The following KSR1 variants were observed in gnomAD, a reference collection of about 807,000 sequenced individuals.
The protein encoded by KSR1 is kinase suppressor of ras.
In KSR1, 35 loss-of-function variants were observed where a neutral mutation model predicts 92.9. The ratio of observed to expected loss-of-function variants is 0.38; its 90% CI spans 0.29 to 0.50. The LOEUF is 0.50. Ranked by LOEUF, KSR1 falls within the 20% of genes least tolerant of loss-of-function variation. The probability of loss-of-function intolerance (pLI) is 0.94; values close to 1 mark genes in which losing one functional copy is unlikely to be tolerated. For synonymous variants in KSR1, 467 were observed against 472.6 expected, an observed-to-expected ratio of 0.99 and a Z score of 0.15; for missense variants, 972 against 1,158.5, an observed-to-expected ratio of 0.84 and a Z score of 2.34.
At position 27,459,764 on chromosome 17, in the gene KSR1, G is replaced by A. The variant is rs778072853; in HGVS notation, c.231+2890G>A. Among the ~76,000 whole-genome samples, 2 of 152,246 alleles carry A rather than the reference G, an allele frequency of 1.3e-5. No homozygotes were observed. Among genetic ancestry groups the A allele is most frequent in the Admixed American group, 6.5e-5 (1 of 15,282 alleles). On this transcript the variant is annotated intron_variant, in intron 1 of 20. Coordinates refer to ENST00000644974, the MANE Select transcript of KSR1 (RefSeq NM_001394583.1). The surrounding 1 kb of genome is among the most constrained non-coding windows in gnomAD (Gnocchi z 4.6). ...GGGAGAAGCAGCACGTGAAATGTCCGTGGAGGTCCCTGACCAGGGATGGGC... is the reference window on the plus strand; with the variant it reads ...GGGAGAAGCAGCACGTGAAATGTCCATGGAGGTCCCTGACCAGGGATGGGC...
At chr17:27,504,704 C>T (rs945355241) in intron 1 of KSR1, among the ~76,000 whole-genome samples, 1 of 152,210 alleles carries the variant, frequency 6.6e-6, no homozygotes, top group Non-Finnish European at 1.5e-5. Flanking sequence ...CTGCCGCCAT[C>T]TGCCTGAGCA....
intron 1 of KSR1, among the ~76,000 whole-genome samples, chr17:27,472,937 G>A (rs984921849): frequency 6.6e-6 from 1 of 152,142 alleles, no homozygotes; most frequent in Non-Finnish European, 1.5e-5. Context: ...TTTGAGACAG[G>A]GTCTCGCAGT....
chr17:27,609,817 C>T (rs1185883443), intron 16 of KSR1: 4 of 418,614 alleles, frequency 9.6e-6, no homozygotes, highest in Non-Finnish European at 1.7e-5. Flanking sequence ...GCACCTTCAC[C>T]AGCAGCTCCC....
intron 1 of KSR1, among the ~76,000 whole-genome samples, chr17:27,510,136 G>A (rs555459474): frequency 5.3e-5 from 8 of 152,314 alleles, no homozygotes; most frequent in Non-Finnish European, 8.8e-5. Context: ...CACCTTGTCC[G>A]GAGAGAACCT....
chr17:27,597,450 A>G lies in KSR1; in HGVS notation c.1468+14A>G. The G allele has an allele frequency of 6.3e-7, 1 of 1,591,706 alleles. No individual in the cohort carries two copies. Among genetic ancestry groups the G allele is most frequent in the Non-Finnish European group, 8.6e-7 (1 of 1,166,936 alleles). ...TCAACTTCCCAGGTACCACATCTCC[A>G]GGCTTTTCTGGGTTCTAAGGGATAC... On this transcript the variant is annotated intron_variant, in intron 10 of 20. Transcript: ENST00000644974.
intron 2 of KSR1, among the ~76,000 whole-genome samples, chr17:27,561,534 G>A (rs561485617): frequency 5.4e-4 from 82 of 152,330 alleles, no homozygotes; most frequent in African/African-American, 1.9e-3. Flanking sequence ...CTGGCCCCAA[G>A]GAGCGGGGAA....
At position 27,577,750 on chromosome 17, in the gene KSR1, C is replaced by G. The variant is rs2072571134; in HGVS notation, c.520+111C>G. ...CAAGCGTGGCCCAGGGTTTCTGGGG[C>G]AGCCTGGAAAGGCCAGGGTTGGATG... On this transcript the variant is annotated intron_variant, in intron 3 of 20. Transcript: ENST00000644974. The surrounding 1 kb of genome is among the most constrained non-coding windows in gnomAD (Gnocchi z 4.5). 1 of 943,426 alleles carries G rather than the reference C, an allele frequency of 1.1e-6. No homozygotes were observed. Among genetic ancestry groups the G allele is most frequent in the African/African-American group, 1.6e-5 (1 of 61,754 alleles). The allele number at this position is 943,426 out of a possible 1,614,324, so 58.4% of individuals were successfully genotyped here. A position where few individuals can be genotyped will look rare whatever the true frequency, so the allele number is the denominator to read the frequency against.
intron 17 of KSR1, among the ~76,000 whole-genome samples, chr17:27,610,548 C>A (rs757347523): frequency 6.6e-6 from 1 of 152,204 alleles, no homozygotes; most frequent in South Asian, 2.1e-4. Context: ...CTGCTCCTCC[C>A]AGTCTGGGGG....
intron 1 of KSR1, among the ~76,000 whole-genome samples, chr17:27,536,049 G>A (rs1421495144): frequency 6.6e-6 from 1 of 152,208 alleles, no homozygotes; most frequent in African/African-American, 2.4e-5. Flanking sequence ...AGTTGGAGAT[G>A]GTACTGTTGG....
At chr17:27,565,462 T>A (rs897975059) in intron 2 of KSR1, among the ~76,000 whole-genome samples, 4 of 152,238 alleles carry the variant, frequency 2.6e-5, no homozygotes, top group African/African-American at 9.7e-5. Context: ...TCTCACCCTG[T>A]CACCCAGGCT....
intron 1 of KSR1, among the ~76,000 whole-genome samples, chr17:27,513,692 G>A (rs1046022614): frequency 1.3e-5 from 2 of 152,178 alleles, no homozygotes; most frequent in African/African-American, 4.8e-5. Flanking sequence ...GGGACGCATC[G>A]TTTTCCAGGT....
Position 27,592,635 on chromosome 17 carries a change from G to C in KSR1, c.1299+9G>C. 6.2e-7 allele frequency: 1 copy of C among 1,610,570 alleles called. No individual in the cohort carries two copies. The highest frequency in any genetic ancestry group is 8.5e-7 in the Non-Finnish European group (1 of 1,178,198). ...AAGCACTGACAAAGAAGGTACGCTG[G>C]GTAATGCTGGGGAGGACGCCCTTCT... is the stretch of plus-strand genomic sequence containing the variant. On this transcript the variant is annotated intron_variant, in intron 9 of 20. Coordinates refer to ENST00000644974, the MANE Select transcript of KSR1 (RefSeq NM_001394583.1).
intron 1 of KSR1, among the ~76,000 whole-genome samples, chr17:27,504,024 T>G (rs1396406736): frequency 6.6e-5 from 10 of 152,246 alleles, no homozygotes. Context: ...GGTGGGTATC[T>G]GGATACTGTG....
At chr17:27,489,213 C>T (rs948254018) in intron 1 of KSR1, among the ~76,000 whole-genome samples, 1 of 152,218 alleles carries the variant, frequency 6.6e-6, no homozygotes, top group Non-Finnish European at 1.5e-5. Context: ...GGATCCTCAG[C>T]TGGGTGTCTG....
chr17:27,617,048 TG>T (rs2074081591), intron 18 of KSR1, among the ~76,000 whole-genome samples: 1 of 152,194 alleles, frequency 6.6e-6, no homozygotes, highest in Non-Finnish European at 1.5e-5. Flanking sequence ...ACTCTTATTT[TG>T]GGGTGAGCAT....
intron 1 of KSR1, among the ~76,000 whole-genome samples, chr17:27,523,941 A>G (rs2070143625): frequency 6.6e-6 from 1 of 152,208 alleles, no homozygotes; most frequent in Admixed American, 6.5e-5. Flanking sequence ...GAAACGGGCC[A>G]GCTAAAACCT....
intron 1 of KSR1, among the ~76,000 whole-genome samples, chr17:27,474,946 T>C (rs2068294168): frequency 6.6e-6 from 1 of 152,160 alleles, no homozygotes; most frequent in Non-Finnish European, 1.5e-5. Context: ...AAATGTGTTA[T>C]CTGTTAAGTG....
chr17:27,487,327 C>T (rs529407502), intron 1 of KSR1, among the ~76,000 whole-genome samples: 21 of 152,050 alleles, frequency 1.4e-4, no homozygotes, highest in South Asian at 2.1e-4. Context: ...CCCAGCTACT[C>T]GGGAGGCTGA....
intron 1 of KSR1, among the ~76,000 whole-genome samples, chr17:27,495,046 G>T (rs565577163): frequency 1.2e-4 from 19 of 152,382 alleles, no homozygotes; most frequent in African/African-American, 3.6e-4. Flanking sequence ...GCTGGGCAGG[G>T]CTCTGCTTCA....
Sources: allele counts gnomAD v4.1 joint callset (sites outside exome capture counted in the v4.1 genomes callset), GRCh38; gene constraint gnomAD v4.1.1; non-coding constraint Gnocchi (gnomAD v3.1); transcripts MANE v1.5; gene names NCBI Gene and HGNC (gene_info 2026-07-23, HGNC 2026-07-21).